The following XRN1 variants were observed in gnomAD, a reference collection of about 807,000 sequenced individuals.
XRN1 encodes strand-exchange protein 1 homolog.
In XRN1, 67 loss-of-function variants were observed where a neutral mutation model predicts 222.3. That is an observed-to-expected ratio of 0.30 (90% CI 0.25 to 0.37). The LOEUF is 0.37. Ranked by LOEUF, XRN1 falls within the 10% of genes least tolerant of loss-of-function variation. The pLI is 1.00. For missense variants in XRN1, 1,707 were observed against 2,000.2 expected (o/e 0.85, Z 2.80); for synonymous variants, 643 against 652.4 (o/e 0.99, Z 0.22).
rs1364971426 is a variant in XRN1 at position 142,307,892 on chromosome 3, C to G, written c.*3619G>C. 1 of 152,152 alleles carries G rather than the reference C, an allele frequency of 6.6e-6. No homozygotes were observed. The allele number at this position is 152,152 out of a possible 1,614,324, so 9.4% of individuals were successfully genotyped here. A position where few individuals can be genotyped will look rare whatever the true frequency, so the allele number is the denominator to read the frequency against. ...AACTTCTGCAATTGATTTTTAAAGA[C>G]AGAGAACGACTTTCACAGCCACTTC... On this transcript the variant is annotated 3_prime_UTR_variant, in exon 41 of 41. Coordinates refer to ENST00000392981, the MANE Select transcript of XRN1 (RefSeq NM_001282857.2).
At chr3:142,345,268 C>T (rs563044751) in intron 33 of XRN1, among the ~76,000 whole-genome samples, 39 of 152,210 alleles carry the variant, frequency 2.6e-4, no homozygotes, top group African/African-American at 9.1e-4. Context: ...CAAGACTATT[C>T]AATGGGGTGT....
At chr3:142,352,889 C>T (rs750012187) in intron 32 of XRN1, among the ~76,000 whole-genome samples, 1 of 152,160 alleles carries the variant, frequency 6.6e-6, no homozygotes, top group Non-Finnish European at 1.5e-5. Flanking sequence ...AGTAATCCTT[C>T]GGCCTTGGCT....
chr3:142,362,349 G>T (rs1372880517), intron 29 of XRN1, among the ~76,000 whole-genome samples: 1 of 152,012 alleles, frequency 6.6e-6, no homozygotes, highest in Non-Finnish European at 1.5e-5. Flanking sequence ...TATTGGCCAG[G>T]CTAATCTCAA....
intron 37 of XRN1, among the ~76,000 whole-genome samples, chr3:142,319,969 T>A (rs1294656598): frequency 2.0e-5 from 3 of 152,064 alleles, no homozygotes; most frequent in Non-Finnish European, 2.9e-5. Context: ...CTTTATCCAA[T>A]CATCCACTGA....
At chr3:142,375,973 T>TGC (rs763855041) in intron 24 of XRN1, 29 bp from the exon 25 acceptor site, 22 of 1,389,692 alleles carry the variant, frequency 1.6e-5, no homozygotes, top group Middle Eastern at 2.0e-4. Flanking sequence ...TGCGCACACG[T>TGC]GCACACACAC....
chr3:142,340,296 G>A (rs987369981), intron 33 of XRN1, among the ~76,000 whole-genome samples: 12 of 151,710 alleles, frequency 7.9e-5, no homozygotes, highest in African/African-American at 2.9e-4. Context: ...CGGAGGTAGC[G>A]GTGAGCTGAG....
intron 39 of XRN1, among the ~76,000 whole-genome samples, chr3:142,312,972 C>A (rs532363170): frequency 1.3e-5 from 2 of 152,122 alleles, no homozygotes; most frequent in South Asian, 4.2e-4. Flanking sequence ...ATGAATTTAT[C>A]ATTATACTGG....
rs1431792044 is a variant in XRN1 at position 142,329,612 on chromosome 3, G to A, written c.4226C>T (p.Ser1409Phe). 3.9e-6 allele frequency: 6 copies of A among 1,532,146 alleles called. No homozygotes were observed. Among genetic ancestry groups the A allele is most frequent in the Admixed American group, 2.5e-5 (1 of 40,616 alleles). 94.9% of individuals were successfully genotyped at this position (1,532,146 alleles called of 1,614,324 possible). A position where few individuals can be genotyped will look rare whatever the true frequency, so the allele number is the denominator to read the frequency against. The change falls in exon 37 of 41, where the codon TCT becomes TTT. Residue 1409 changes from serine (S) to phenylalanine (F), a missense_variant. By Grantham distance (155) the Ser-to-Phe change is radical (BLOSUM62 -2). Transcript: ENST00000392981. The part of the protein sequence containing the change: ...SQPKQNKKLA[S>F]YMNKPHSANE... ...AGCACTGTGAGGCTTGTTCATATAA[G>A]ATGCTACCAAAAAAGAGAAAAGAGT...
chr3:142,337,623 C>T (rs1056182341), intron 33 of XRN1, among the ~76,000 whole-genome samples: 2 of 152,058 alleles, frequency 1.3e-5, no homozygotes, highest in African/African-American at 4.8e-5. Flanking sequence ...ACACAGTAGA[C>T]ACTACTGAAG....
rs190357307 is a variant in XRN1 at position 142,312,769 on chromosome 3, C to A, written c.4622-11G>T. 2,476 of 1,579,608 alleles carry A rather than the reference C, an allele frequency of 1.6e-3. 4 individuals are homozygous for A. The highest frequency in any genetic ancestry group is 1.7e-3 in the Non-Finnish European group (1,921 of 1,162,258). ...AAGGCATTATATTAGCTGTTAAAAA[C>A]CAAGGAAAATTTTTCTTTTAGTAAA... On this transcript the variant is annotated splice_polypyrimidine_tract_variant and intron_variant, in intron 39 of 40. Coordinates refer to ENST00000392981, the MANE Select transcript of XRN1 (RefSeq NM_001282857.2).
Position 142,421,006 on chromosome 3 carries a change from A to G in XRN1, c.1173+10T>C. On this transcript the variant is annotated intron_variant, in intron 10 of 40. Transcript: ENST00000392981. ...TAAAACAATGAAAGGACACCTAAAA[A>G]AATAGACACCTTTAACTTTTTCTTT... 6.2e-7 allele frequency: 1 copy of G among 1,613,506 alleles called. No homozygotes were observed. Among genetic ancestry groups the G allele is most frequent in the Non-Finnish European group, 8.5e-7 (1 of 1,179,786 alleles).
rs536476731 is a variant in XRN1, at chr3:142,375,500, C to T, written c.2978+298G>A. Among the ~76,000 whole-genome samples the T allele has an allele frequency of 3.3e-5, 5 of 152,272 alleles. No homozygotes were observed. The South Asian group carries it at 1.0e-3, about 32-fold the overall frequency. ...AGCTTTGTTTATCCATATCAGTTCTCTCAGTGCTGACATAGGTATGCAAGG... is the reference window on the plus strand; with the variant it reads ...AGCTTTGTTTATCCATATCAGTTCTTTCAGTGCTGACATAGGTATGCAAGG... On this transcript the variant is annotated intron_variant, in intron 25 of 40. Coordinates refer to ENST00000392981, the MANE Select transcript of XRN1 (RefSeq NM_001282857.2).
intron 8 of XRN1, among the ~76,000 whole-genome samples, chr3:142,422,318 C>T (rs1407187552): frequency 6.6e-6 from 1 of 151,920 alleles, no homozygotes; most frequent in Non-Finnish European, 1.5e-5. Context: ...GAGCAAGACC[C>T]CGTCTCAAAA....
At chr3:142,411,300 T>C (rs1216011998) in intron 15 of XRN1, among the ~76,000 whole-genome samples, 1 of 152,202 alleles carries the variant, frequency 6.6e-6, no homozygotes, top group Admixed American at 6.5e-5. Context: ...AACCAACTTT[T>C]GATGTCATTA....
At chr3:142,412,747 CAT>C (rs758279904) in intron 14 of XRN1, 84 bp from the exon 15 acceptor site, 5 of 1,135,238 alleles carry the variant, frequency 4.4e-6, no homozygotes, top group Non-Finnish European at 4.6e-6. Context: ...AATATTTCCT[CAT>C]GTTAGTTTAA....
intron 15 of XRN1, among the ~76,000 whole-genome samples, chr3:142,412,322 A>G (rs540630712): frequency 5.9e-5 from 9 of 152,270 alleles, no homozygotes; most frequent in African/African-American, 2.2e-4. Context: ...CTCCGGTAAT[A>G]TTACTCCTTG....
intron 37 of XRN1, among the ~76,000 whole-genome samples, chr3:142,321,416 C>T (rs1238519358): frequency 1.3e-5 from 2 of 152,150 alleles, no homozygotes; most frequent in African/African-American, 2.4e-5. Context: ...CCATTGCGCC[C>T]GGCTATCCAC....
At chr3:142,426,930 T>A in intron 2 of XRN1, 89 bp from the exon 3 acceptor site, 1 of 908,812 alleles carries the variant, frequency 1.1e-6, no homozygotes, top group East Asian at 2.5e-5. Flanking sequence ...CCTTTATAAC[T>A]AAAATAGTAA....
chr3:142,435,345 C>T (rs148138774), intron 1 of XRN1: 2,447 of 149,564 alleles, frequency 0.016, 26 homozygotes, highest in South Asian at 0.043. Flanking sequence ...TTGCAGTGAG[C>T]GGAGATCGAG....
Sources: allele counts gnomAD v4.1 joint callset (sites outside exome capture counted in the v4.1 genomes callset), GRCh38; gene constraint gnomAD v4.1.1; transcripts MANE v1.5; gene names NCBI Gene and HGNC (gene_info 2026-07-23, HGNC 2026-07-21).